ROBO1: variants seen among roughly 807,000 people sequenced by gnomAD.
The protein encoded by ROBO1 is roundabout guidance receptor 1, also known as roundabout homolog 1.
A neutral mutation model predicts 195.9 loss-of-function variants in ROBO1; 149 were observed. That is an observed-to-expected ratio of 0.76 (90% CI 0.67 to 0.87). ROBO1 has a LOEUF of 0.87. Among genes scored for constraint, ROBO1 ranks in the 40% least tolerant of loss-of-function variants. The probability of loss-of-function intolerance (pLI) is 0.00; values close to 1 mark genes in which losing one functional copy is unlikely to be tolerated. For synonymous variants in ROBO1, 816 were observed against 733.2 expected, an observed-to-expected ratio of 1.11 and a Z score of -1.82; for missense variants, 1,933 against 2,068.3, an observed-to-expected ratio of 0.93 and a Z score of 1.27.
At chr3:79,287,022 G>C (rs551679930) in intron 2 of ROBO1, among the ~76,000 whole-genome samples, 1 of 152,174 alleles carries the variant, frequency 6.6e-6, no homozygotes, top group South Asian at 2.1e-4. Flanking sequence ...GTACATATAT[G>C]TCCTTTTGTG....
chr3:78,615,143 TTAAA>T (rs1464549559), intron 27 of ROBO1, among the ~76,000 whole-genome samples: 2 of 152,258 alleles, frequency 1.3e-5, no homozygotes, highest in Non-Finnish European at 2.9e-5. Flanking sequence ...AAAATAGTAA[TTAAA>T]TGTTTGCATA....
chr3:78,828,654 G>A (rs1025466468), intron 4 of ROBO1, among the ~76,000 whole-genome samples: 3 of 142,602 alleles, frequency 2.1e-5, no homozygotes, highest in South Asian at 2.2e-4. Context: ...CAGAATCATG[G>A]AATATTGTAA....
At chr3:79,307,697 G>A (rs2033286649) in intron 2 of ROBO1, among the ~76,000 whole-genome samples, 1 of 151,982 alleles carries the variant, frequency 6.6e-6, no homozygotes, top group Non-Finnish European at 1.5e-5. Flanking sequence ...GAATCTCATG[G>A]TAATATGTCA....
intron 8 of ROBO1, among the ~76,000 whole-genome samples, chr3:78,705,465 G>A (rs1221134484): frequency 6.6e-6 from 1 of 152,200 alleles, no homozygotes; most frequent in Non-Finnish European, 1.5e-5. Flanking sequence ...GAATCTCAGA[G>A]AAGTTAGGCA....
chr3:78,929,175 G>T (rs1230162970), intron 4 of ROBO1, among the ~76,000 whole-genome samples: 1 of 151,852 alleles, frequency 6.6e-6, no homozygotes. Flanking sequence ...TAAACCCTGG[G>T]TTAAATACAA....
At chr3:79,454,696 C>G (rs1303767849) in intron 2 of ROBO1, among the ~76,000 whole-genome samples, 1 of 152,072 alleles carries the variant, frequency 6.6e-6, no homozygotes, top group Non-Finnish European at 1.5e-5. Flanking sequence ...CTATAATTTT[C>G]CTTTCACTTA....
chr3:79,421,796 G>A (rs569007439), intron 2 of ROBO1, among the ~76,000 whole-genome samples: 1 of 152,026 alleles, frequency 6.6e-6, no homozygotes, highest in Non-Finnish European at 1.5e-5. Context: ...TAAATAAAAT[G>A]TTAGTGACTA....
intron 10 of ROBO1, among the ~76,000 whole-genome samples, chr3:78,681,376 C>A (rs1013400270): frequency 1.3e-5 from 2 of 151,976 alleles, no homozygotes; most frequent in Non-Finnish European, 2.9e-5. Flanking sequence ...ATGAGGCATT[C>A]TGGTTGGATA....
chr3:79,214,904 C>T (rs912042548), intron 2 of ROBO1, among the ~76,000 whole-genome samples: 16 of 150,418 alleles, frequency 1.1e-4, no homozygotes, highest in Non-Finnish European at 1.9e-4. Context: ...CATCAAAAAA[C>T]GTCATTTTGT....
At chr3:79,628,683 C>T (rs1471372531) in intron 1 of ROBO1, among the ~76,000 whole-genome samples, 1 of 152,062 alleles carries the variant, frequency 6.6e-6, no homozygotes, top group Non-Finnish European at 1.5e-5. Flanking sequence ...CCTAAATGCT[C>T]CACTTAAAAG....
At chr3:79,048,284 G>C (rs753880436) in intron 3 of ROBO1, among the ~76,000 whole-genome samples, 20 of 152,012 alleles carry the variant, frequency 1.3e-4, no homozygotes, top group Non-Finnish European at 2.1e-4. Flanking sequence ...ACTGATCTCT[G>C]GTTATTTTTC....
At chr3:79,599,816 A>C (rs575462541) in intron 1 of ROBO1, among the ~76,000 whole-genome samples, 1 of 152,030 alleles carries the variant, frequency 6.6e-6, no homozygotes, top group African/African-American at 2.4e-5. Context: ...GCATTCCTAT[A>C]TTAGTAGAAT....
At chr3:78,916,175 G>A (rs1431280048) in intron 4 of ROBO1, among the ~76,000 whole-genome samples, 7 of 151,344 alleles carry the variant, frequency 4.6e-5, no homozygotes, top group Admixed American at 1.3e-4. Context: ...GCGTGAACCC[G>A]GGAGGCGGAG....
intron 1 of ROBO1, among the ~76,000 whole-genome samples, chr3:79,654,358 T>C (rs1053086549): frequency 7.2e-5 from 11 of 152,016 alleles, no homozygotes; most frequent in African/African-American, 2.7e-4. Flanking sequence ...CAGTGTTTCA[T>C]AGCATCATGA....
At chr3:79,179,273 T>C (rs1397940692) in intron 2 of ROBO1, among the ~76,000 whole-genome samples, 1 of 152,158 alleles carries the variant, frequency 6.6e-6, no homozygotes, top group African/African-American at 2.4e-5. Context: ...CATGAGAAGC[T>C]CCATTTAAAA....
At chr3:78,918,454 TG>T (rs1246356077) in intron 4 of ROBO1, among the ~76,000 whole-genome samples, 4 of 152,320 alleles carry the variant, frequency 2.6e-5, no homozygotes, top group African/African-American at 9.6e-5. Context: ...TGGTAACTTT[TG>T]TTCAATTCAG....
chr3:78,722,328 C>A (rs2082062915), intron 5 of ROBO1, among the ~76,000 whole-genome samples: 1 of 152,026 alleles, frequency 6.6e-6, no homozygotes. Context: ...GTAAACAAAG[C>A]TGGAGTTTGT....
At chr3:79,371,442 G>A (rs1167777630) in intron 2 of ROBO1, among the ~76,000 whole-genome samples, 1 of 152,178 alleles carries the variant, frequency 6.6e-6, no homozygotes, top group Non-Finnish European at 1.5e-5. Flanking sequence ...GTAATGTGTA[G>A]TTATATTCCA....
chr3:79,293,510 T>C (rs886526643), intron 2 of ROBO1, among the ~76,000 whole-genome samples: 5 of 152,168 alleles, frequency 3.3e-5, no homozygotes, highest in African/African-American at 9.7e-5. Flanking sequence ...TCTCCTGTGG[T>C]CCTTTAGTGC....
Sources: allele counts gnomAD v4.1 joint callset (sites outside exome capture counted in the v4.1 genomes callset), GRCh38; gene constraint gnomAD v4.1.1; transcripts MANE v1.5; gene names NCBI Gene and HGNC (gene_info 2026-07-23, HGNC 2026-07-21).